Variants in PTPRG observed in about 807,000 individuals in gnomAD.
PTPRG encodes receptor-type tyrosine-protein phosphatase gamma.
In PTPRG, 102 loss-of-function variants were observed where a neutral mutation model predicts 165.3. The observed-to-expected ratio is 0.62, with a 90% CI of 0.53 to 0.73. PTPRG has a LOEUF of 0.73. Ranked by LOEUF, PTPRG falls within the 30% of genes least tolerant of loss-of-function variation. The pLI is 0.00. For synonymous variants in PTPRG, 675 were observed against 669.5 expected (o/e 1.01, Z -0.13); for missense variants, 1,866 against 1,861.4 (o/e 1.00, Z -0.05).
intron 2 of PTPRG, among the ~76,000 whole-genome samples, chr3:61,816,637 C>G (rs1396976462): frequency 6.6e-6 from 1 of 152,116 alleles, no homozygotes; most frequent in Non-Finnish European, 1.5e-5. Context: ...GACATCTTCT[C>G]CCACAGAAAA....
chr3:61,961,028 G>C (rs570978747), intron 2 of PTPRG, among the ~76,000 whole-genome samples: 1 of 152,216 alleles, frequency 6.6e-6, no homozygotes, highest in African/African-American at 2.4e-5. Flanking sequence ...ATCTAGTAAG[G>C]CTTCATTATG....
At position 62,190,626 on chromosome 3, in the gene PTPRG, C is replaced by A. The variant is rs1248637395; in HGVS notation, c.1034-843C>A. Among the ~76,000 whole-genome samples, 2 of 152,178 alleles carry A rather than the reference C, an allele frequency of 1.3e-5. No individual in the cohort carries two copies. The highest frequency in any genetic ancestry group is 2.9e-5 in the Non-Finnish European group (2 of 68,036). ...GATAATTACACGGGGTTCTGCTGTT[C>A]CAGAGAAAGTCATCCTTGTGTTATG... On this transcript the variant is annotated intron_variant, in intron 8 of 29. Coordinates refer to ENST00000474889, the MANE Select transcript of PTPRG (RefSeq NM_002841.4). This position sits in a 1 kb window ranked among gnomAD's most constrained non-coding sequence, Gnocchi z 5.2.
At chr3:62,047,764 G>A (rs115801791) in intron 4 of PTPRG, among the ~76,000 whole-genome samples, 347 of 152,216 alleles carry the variant, frequency 2.3e-3, no homozygotes, top group Non-Finnish European at 3.7e-3. Flanking sequence ...GGACCCCTTC[G>A]TCCTAGATAT....
chr3:61,895,910 A>G (rs1455972969), intron 2 of PTPRG, among the ~76,000 whole-genome samples: 1 of 152,172 alleles, frequency 6.6e-6, no homozygotes, highest in African/African-American at 2.4e-5. Context: ...ATACAGTTGT[A>G]AAAAATAATA....
chr3:62,162,643 T>C (rs970100061), intron 7 of PTPRG, among the ~76,000 whole-genome samples: 3 of 145,282 alleles, frequency 2.1e-5, no homozygotes, highest in Non-Finnish European at 3.0e-5. Flanking sequence ...AGGATGAAGA[T>C]AGATAGATGT....
At chr3:62,129,746 C>T (rs1703445666) in intron 5 of PTPRG, among the ~76,000 whole-genome samples, 1 of 152,146 alleles carries the variant, frequency 6.6e-6, no homozygotes, top group Non-Finnish European at 1.5e-5. Flanking sequence ...TACATTCAAA[C>T]CATAGTGGTC....
intron 4 of PTPRG, among the ~76,000 whole-genome samples, chr3:62,074,183 G>GTGTGTA (rs1273764722): frequency 7.5e-6 from 1 of 133,324 alleles, no homozygotes; most frequent in Non-Finnish European, 1.5e-5. Flanking sequence ...AAGTGAGAGT[G>GTGTGTA]TGTGTGTGTG....
intron 1 of PTPRG, among the ~76,000 whole-genome samples, chr3:61,652,538 G>A (rs1279246105): frequency 1.3e-5 from 2 of 151,328 alleles, no homozygotes; most frequent in African/African-American, 4.9e-5. Context: ...ATATTCAGTG[G>A]AGCAAATGTT....
chr3:61,847,161 C>G (rs2036830301), intron 2 of PTPRG, among the ~76,000 whole-genome samples: 1 of 152,064 alleles, frequency 6.6e-6, no homozygotes, highest in Non-Finnish European at 1.5e-5. Flanking sequence ...TAAGATGATG[C>G]CATACGGGAG....
chr3:61,725,393 C>A (rs2032215356), intron 1 of PTPRG, among the ~76,000 whole-genome samples: 1 of 152,246 alleles, frequency 6.6e-6, no homozygotes, highest in African/African-American at 2.4e-5. Context: ...GTGAGATACA[C>A]TTTGTATTTT....
At chr3:62,052,072 T>C (rs1166047455) in intron 4 of PTPRG, among the ~76,000 whole-genome samples, 1 of 152,202 alleles carries the variant, frequency 6.6e-6, no homozygotes, top group Non-Finnish European at 1.5e-5. Flanking sequence ...GCATGGAAAT[T>C]ATAAATTATT....
chr3:61,580,076 GT>G (rs1700252616), intron 1 of PTPRG, among the ~76,000 whole-genome samples: 1 of 152,190 alleles, frequency 6.6e-6, no homozygotes, highest in Non-Finnish European at 1.5e-5. Context: ...CTGTTAATGT[GT>G]TAACTGATGG....
intron 4 of PTPRG, among the ~76,000 whole-genome samples, chr3:62,036,168 A>G (rs72887848): frequency 0.12 from 18,500 of 152,114 alleles, 1,250 homozygotes; most frequent in South Asian, 0.2. Context: ...AAAATACAGC[A>G]TAGGTTAAGG....
At chr3:61,910,647 C>T (rs1000241277) in intron 2 of PTPRG, among the ~76,000 whole-genome samples, 5 of 152,260 alleles carry the variant, frequency 3.3e-5, no homozygotes, top group African/African-American at 1.2e-4. Flanking sequence ...CTGGTGCAGG[C>T]TTTGTGTCTG....
chr3:61,575,025 T>C (rs1370831145), intron 1 of PTPRG, among the ~76,000 whole-genome samples: 1 of 152,174 alleles, frequency 6.6e-6, no homozygotes, highest in African/African-American at 2.4e-5. Flanking sequence ...AGCACCACCA[T>C]GTTGAGGATC....
In PTPRG at chr3:61,748,876, A is replaced by G. The variant is rs1003194781; in HGVS notation, c.86-2A>G. 6.2e-7 allele frequency: 1 copy of G among 1,612,598 alleles called. No homozygotes were observed. Among genetic ancestry groups the G allele is most frequent in the Non-Finnish European group, 8.5e-7 (1 of 1,179,802 alleles). ...CTCATTGTGGGTTTTCCTCTCTTCC[A>G]GCGTTGACAGAAGGCTACGTTGGGG... On this transcript the variant is annotated splice_acceptor_variant, in intron 1 of 29. Transcript: ENST00000474889. LOFTEE classifies it high-confidence loss of function.
intron 2 of PTPRG, among the ~76,000 whole-genome samples, chr3:61,972,643 CTTTTT>C (rs368661045): frequency 1.4e-5 from 2 of 145,362 alleles, no homozygotes; most frequent in East Asian, 4.2e-4. Flanking sequence ...CGTTCTTTTT[CTTTTT>C]TTTTCTTTTC....
At chr3:61,906,381 C>T (rs544125157) in intron 2 of PTPRG, among the ~76,000 whole-genome samples, 57 of 150,780 alleles carry the variant, frequency 3.8e-4, no homozygotes, top group Non-Finnish European at 7.8e-4. Flanking sequence ...ATGTGAACTG[C>T]GGAGGTGGAG....
chr3:62,107,386 G>A (rs1049137403), intron 5 of PTPRG, among the ~76,000 whole-genome samples: 6 of 152,222 alleles, frequency 3.9e-5, no homozygotes, highest in African/African-American at 1.4e-4. Context: ...TATGCCTACA[G>A]CATGATAGAT....
Sources: allele counts gnomAD v4.1 joint callset (sites outside exome capture counted in the v4.1 genomes callset), GRCh38; gene constraint gnomAD v4.1.1; non-coding constraint Gnocchi (gnomAD v3.1); transcripts MANE v1.5; gene names NCBI Gene and HGNC (gene_info 2026-07-23, HGNC 2026-07-21).